The following FAF1 variants were observed in gnomAD, a reference collection of about 807,000 sequenced individuals.
FAF1 encodes the protein Fas associated factor 1.
Under a neutral mutation model 92.5 loss-of-function variants are expected in FAF1, and 25 were observed. The ratio of observed to expected loss-of-function variants is 0.27; its 90% CI spans 0.20 to 0.38. FAF1 has a LOEUF of 0.38. Among genes scored for constraint, FAF1 ranks in the 10% least tolerant of loss-of-function variants. FAF1 has a pLI of 1.00. For synonymous variants in FAF1, 234 were observed against 273.2 expected, an observed-to-expected ratio of 0.86 and a Z score of 1.42; for missense variants, 636 against 793.3, an observed-to-expected ratio of 0.80 and a Z score of 2.38.
chr1:50,527,917 C>T (rs1021586808), intron 15 of FAF1, among the ~76,000 whole-genome samples: 8 of 145,028 alleles, frequency 5.5e-5, no homozygotes, highest in Non-Finnish European at 1.2e-4. Flanking sequence ...CTTGCCCAGG[C>T]TGGAGTGCAG....
chr1:50,820,719 C>T (rs141650642), intron 2 of FAF1, among the ~76,000 whole-genome samples: 78 of 152,280 alleles, frequency 5.1e-4, no homozygotes, highest in African/African-American at 1.7e-3. Flanking sequence ...CTTTTAGGTT[C>T]TACATGTAAG....
chr1:50,918,048 T>A lies in FAF1; in HGVS notation c.45+41719A>T, dbSNP rs186642025. Among the ~76,000 whole-genome samples the A allele has an allele frequency of 4.3e-3, 660 of 152,276 alleles. 4 individuals carry two copies. The highest frequency in any genetic ancestry group is 0.015 in the African/African-American group (620 of 41,566). On this transcript the variant is annotated intron_variant, in intron 1 of 18. Coordinates refer to ENST00000396153, the MANE Select transcript of FAF1 (RefSeq NM_007051.3). Reference sequence around the variant, plus strand: ...AAGAAACCTTTCTGGCCTCAAGTGATCTGCCCACCTCAGCCTCCCAAAGTG... The same window carrying A: ...AAGAAACCTTTCTGGCCTCAAGTGAACTGCCCACCTCAGCCTCCCAAAGTG...
chr1:50,888,714 C>T (rs1478174261), intron 1 of FAF1, among the ~76,000 whole-genome samples: 2 of 152,088 alleles, frequency 1.3e-5, no homozygotes. Flanking sequence ...GGGATGAAGC[C>T]CACCTGATCA....
intron 13 of FAF1, among the ~76,000 whole-genome samples, chr1:50,552,849 A>G (rs1649375564): frequency 6.6e-6 from 1 of 152,206 alleles, no homozygotes; most frequent in African/African-American, 2.4e-5. Context: ...AACTAACTAG[A>G]GAATCCCAAA....
chr1:50,472,517 C>A (rs1646589663), intron 18 of FAF1, among the ~76,000 whole-genome samples: 1 of 151,940 alleles, frequency 6.6e-6, no homozygotes, highest in Non-Finnish European at 1.5e-5. Flanking sequence ...TCCTACAGTG[C>A]TCAGTTCAGG....
At chr1:50,849,785 T>C (rs1644333070) in intron 2 of FAF1, among the ~76,000 whole-genome samples, 1 of 152,062 alleles carries the variant, frequency 6.6e-6, no homozygotes, top group Non-Finnish European at 1.5e-5. Context: ...AGCATTACAT[T>C]AGAGCTACTT....
chr1:50,508,980 A>T (rs1323165234), intron 15 of FAF1, among the ~76,000 whole-genome samples: 1 of 152,222 alleles, frequency 6.6e-6, no homozygotes, highest in Non-Finnish European at 1.5e-5. Context: ...CTGGGATTAC[A>T]GGCGTGAGCC....
chr1:50,880,520 A>T (rs1179422567), intron 1 of FAF1, among the ~76,000 whole-genome samples: 1 of 152,198 alleles, frequency 6.6e-6, no homozygotes. Context: ...ATAGATAGAA[A>T]TACTAGAGAA....
intron 7 of FAF1, among the ~76,000 whole-genome samples, chr1:50,700,242 G>T (rs1364878694): frequency 9.0e-6 from 1 of 110,736 alleles, no homozygotes; most frequent in Non-Finnish European, 1.8e-5. Context: ...TGAAAAGGGG[G>T]CTGTGTGTAA....
chr1:50,598,191 G>A (rs981373170), intron 8 of FAF1, among the ~76,000 whole-genome samples: 7 of 152,114 alleles, frequency 4.6e-5, no homozygotes, highest in Non-Finnish European at 1.0e-4. Flanking sequence ...TGCTACTTGG[G>A]TTGCTGAGGC....
intron 7 of FAF1, among the ~76,000 whole-genome samples, chr1:50,694,085 T>TA (rs11294835): frequency 3.0e-4 from 45 of 149,320 alleles, no homozygotes; most frequent in Non-Finnish European, 5.0e-4. Flanking sequence ...GACATATATA[T>TA]AAAAAAAACT....
chr1:50,788,013 G>A lies in FAF1; in HGVS notation c.354C>T (p.Asp118=), dbSNP rs1661424827. 5 of 1,613,528 alleles carry A rather than the reference G, an allele frequency of 3.1e-6. No individual in the cohort carries two copies. In the East Asian group the frequency reaches 1.1e-4, roughly 36 times the overall value. The change falls in exon 4 of 19, where the codon GAC becomes GAT. Residue 118 remains aspartate, a synonymous_variant. Transcript: ENST00000396153. ...GAAAAACCTTACCAACAGTACAGGT[G>A]TCTTCAAGTACCACATCAACATTTC... ...RDRNVDVVLE[D]TCTVGEIKQI...
intron 18 of FAF1, among the ~76,000 whole-genome samples, chr1:50,464,376 T>A (rs1246569352): frequency 6.6e-6 from 1 of 152,058 alleles, no homozygotes; most frequent in Non-Finnish European, 1.5e-5. Flanking sequence ...AAAGAACCAG[T>A]TTAGTGTGGT....
chr1:50,497,540 C>CTTTTTTTT (rs61258960), intron 15 of FAF1, among the ~76,000 whole-genome samples: 40 of 100,548 alleles, frequency 4.0e-4, no homozygotes, highest in African/African-American at 1.3e-3. Context: ...ATTCAAAACT[C>CTTTTTTTT]TTTTTTTTTT....
chr1:50,807,922 G>T (rs1362065918), intron 2 of FAF1, among the ~76,000 whole-genome samples: 1 of 152,014 alleles, frequency 6.6e-6, no homozygotes, highest in Non-Finnish European at 1.5e-5. Context: ...CCCCTGCAAG[G>T]TACTATAAAA....
chr1:50,633,491 G>A (rs1653878375), intron 8 of FAF1, among the ~76,000 whole-genome samples: 1 of 152,166 alleles, frequency 6.6e-6, no homozygotes, highest in African/African-American at 2.4e-5. Context: ...GCAAAAAGCT[G>A]TTATCATTTT....
chr1:50,775,957 T>C (rs1660947439), intron 4 of FAF1, among the ~76,000 whole-genome samples: 1 of 152,074 alleles, frequency 6.6e-6, no homozygotes, highest in Non-Finnish European at 1.5e-5. Context: ...ATAATACTCA[T>C]AAGGCAATAA....
chr1:50,659,745 T>G (rs1040573990), intron 7 of FAF1, among the ~76,000 whole-genome samples: 2 of 152,240 alleles, frequency 1.3e-5, no homozygotes, highest in African/African-American at 4.8e-5. Flanking sequence ...CAAACTATAC[T>G]GTATTTGGAT....
chr1:50,937,192 T>A (rs2124749951), intron 1 of FAF1, among the ~76,000 whole-genome samples: 1 of 152,228 alleles, frequency 6.6e-6, no homozygotes, highest in Non-Finnish European at 1.5e-5. Context: ...TGTGCATTAA[T>A]AATAATACAA....
Sources: gnomAD v4.1 joint callset for allele counts (sites outside exome capture counted in the v4.1 genomes callset) on GRCh38, gnomAD v4.1.1 for gene constraint, MANE v1.5 for transcripts, NCBI Gene and HGNC (gene_info 2026-07-23, HGNC 2026-07-21) for gene names.